Variants in LRRFIP1 observed in about 807,000 individuals in gnomAD.
LRRFIP1 encodes leucine-rich repeat flightless-interacting protein 1.
In LRRFIP1, 62 loss-of-function variants were observed where a neutral mutation model predicts 104.4. That is an observed-to-expected ratio of 0.59 (90% confidence interval 0.48 to 0.73). The LOEUF (loss-of-function observed/expected upper bound fraction) is 0.73. LRRFIP1 is among the 30% of genes least tolerant of loss of function. The pLI, the probability that LRRFIP1 is intolerant of heterozygous loss-of-function variation, is 0.00. For missense variants in LRRFIP1, 796 were observed against 824.5 expected (o/e 0.97, Z 0.42); for synonymous variants, 300 against 299.0 (o/e 1.00, Z -0.03).
intron 11 of LRRFIP1, among the ~76,000 whole-genome samples, chr2:237,740,481 A>G (rs924474860): frequency 1.3e-5 from 2 of 152,182 alleles, no homozygotes; most frequent in Non-Finnish European, 2.9e-5. Flanking sequence ...CTCTTAAGTT[A>G]GTTACTGAAC....
chr2:237,692,264 G>A lies in LRRFIP1; in HGVS notation c.97-16280G>A, dbSNP rs1025136504. ...CACCTGCGCCCCGCCCCTGTCGGCC[G>A]CGCCCGAGCCCAGCGCCGCGAGCCG... On this transcript the variant is annotated intron_variant, in intron 1 of 23. Transcript: ENST00000308482. The A allele has an allele frequency of 2.1e-5, 24 of 1,154,338 alleles. No homozygotes were observed. In the African/African-American group the frequency reaches 3.6e-4, roughly 17 times the overall value. 71.5% of individuals were successfully genotyped at this position (1,154,338 alleles called of 1,614,324 possible).
intron 1 of LRRFIP1, among the ~76,000 whole-genome samples, chr2:237,655,685 CT>C (rs2086700283): frequency 6.6e-6 from 1 of 152,206 alleles, no homozygotes; most frequent in Non-Finnish European, 1.5e-5. Flanking sequence ...TATAGGACAT[CT>C]TTTTAACTCC....
intron 1 of LRRFIP1, among the ~76,000 whole-genome samples, chr2:237,659,033 T>C (rs12991845): frequency 0.13 from 20,447 of 152,162 alleles, 1,879 homozygotes; most frequent in Non-Finnish European, 0.21. Context: ...ATGATGAACT[T>C]TTCTATACAG....
At chr2:237,723,643 T>C in intron 7 of LRRFIP1, 57 bp downstream of exon 7, 4 of 1,593,218 alleles carry the variant, frequency 2.5e-6, no homozygotes, top group Non-Finnish European at 3.4e-6. Context: ...GTGACCATAA[T>C]AACCTGTGGT....
At chr2:237,714,402 T>G in intron 3 of LRRFIP1, 126 bp downstream of exon 3, 1 of 703,580 alleles carries the variant, frequency 1.4e-6, no homozygotes, top group African/African-American at 1.8e-5. Flanking sequence ...TTTATTTTAC[T>G]ACTTTGTGTA....
rs947140532 is a variant in LRRFIP1 at position 237,751,734 on chromosome 2, A to T, written c.867+463A>T. Among the ~76,000 whole-genome samples, 101 of 152,188 alleles carry T rather than the reference A, an allele frequency of 6.6e-4. 3 individuals carry two copies. Among genetic ancestry groups the T allele is most frequent in the Non-Finnish European group, 1.6e-4 (11 of 68,030 alleles). On this transcript the variant is annotated intron_variant, in intron 14 of 23. Coordinates refer to ENST00000308482, the MANE Select transcript of LRRFIP1 (RefSeq NM_001137550.2). ...CTTTTGAAACATCCCAATTATTTGC[A>T]CCCTGTAAAATGCTACTAATTGAAG...
chr2:237,733,158 C>G (rs1456953191), intron 8 of LRRFIP1, among the ~76,000 whole-genome samples: 10 of 152,174 alleles, frequency 6.6e-5, no homozygotes, highest in Non-Finnish European at 1.3e-4. Flanking sequence ...TGGGAGCTGC[C>G]CTTGTGTCCC....
At chr2:237,672,876 A>G (rs1433469745) in intron 1 of LRRFIP1, among the ~76,000 whole-genome samples, 1 of 152,224 alleles carries the variant, frequency 6.6e-6, no homozygotes, top group Non-Finnish European at 1.5e-5. Context: ...CTGTGTTTCC[A>G]GGTATTGCTA....
Position 237,649,159 on chromosome 2 carries a change from C to T in LRRFIP1, c.96+21419C>T, listed in dbSNP as rs181987587. Among the ~76,000 whole-genome samples the T allele has an allele frequency of 3.9e-5, 6 of 152,010 alleles. No individual in the cohort carries two copies. In the East Asian group the frequency reaches 7.7e-4, roughly 20 times the overall value. On this transcript the variant is annotated intron_variant, in intron 1 of 23. Coordinates refer to ENST00000308482, the MANE Select transcript of LRRFIP1 (RefSeq NM_001137550.2). This position sits in a 1 kb window ranked among gnomAD's most constrained non-coding sequence, Gnocchi z 4.1. The stretch of plus-strand genomic sequence containing the variant: ...TCGCATGGTCCCAGCCTCAGAGCCC[C>T]GTTCTCTGTGACCTGGCTGGGTCAA...
At chr2:237,688,965 G>A (rs1001732728) in intron 1 of LRRFIP1, among the ~76,000 whole-genome samples, 1 of 147,910 alleles carries the variant, frequency 6.8e-6, no homozygotes, top group Non-Finnish European at 1.5e-5. Context: ...CCCACACCCT[G>A]ACTTCTGACC....
intron 11 of LRRFIP1, among the ~76,000 whole-genome samples, chr2:237,747,097 C>T (rs1404661433): frequency 6.6e-6 from 1 of 152,176 alleles, no homozygotes; most frequent in Non-Finnish European, 1.5e-5. Context: ...GGAGCCAGGC[C>T]GCAGGGTTTA....
chr2:237,665,810 G>A (rs1046420423), intron 1 of LRRFIP1, among the ~76,000 whole-genome samples: 4 of 152,224 alleles, frequency 2.6e-5, no homozygotes, highest in African/African-American at 9.7e-5. Flanking sequence ...AGACCCTCAA[G>A]CTGCAGTCAA....
At chr2:237,776,852 T>C (rs566396209) in intron 23 of LRRFIP1, among the ~76,000 whole-genome samples, 34 of 152,342 alleles carry the variant, frequency 2.2e-4, no homozygotes, top group Non-Finnish European at 4.9e-4. Flanking sequence ...GAATCTGGAA[T>C]CTGTGGATCT....
Position 237,691,915 on chromosome 2 carries a change from G to T in LRRFIP1, c.97-16629G>T, listed in dbSNP as rs2092794089. The stretch of plus-strand genomic sequence containing the variant: ...TTCCGAGACGGAGCGCGGGGGGCGG[G>T]GCGGGGCTCGCGTTAAGGGAGCGCG... On this transcript the variant is annotated intron_variant, in intron 1 of 23. Transcript: ENST00000308482. This position sits in a 1 kb window ranked among gnomAD's most constrained non-coding sequence, Gnocchi z 5.4. Among the ~76,000 whole-genome samples the T allele has an allele frequency of 6.6e-6, 1 of 151,190 alleles. No homozygotes were observed. Among genetic ancestry groups the T allele is most frequent in the Non-Finnish European group, 1.5e-5 (1 of 67,650 alleles).
chr2:237,733,962 G>A, intron 9 of LRRFIP1, 144 bp downstream of exon 9: 4 of 819,842 alleles, frequency 4.9e-6, no homozygotes, highest in Non-Finnish European at 8.0e-6. Context: ...TGTGCCAGTG[G>A]GGAATGTCTG....
At chr2:237,645,707 T>C (rs2084796354) in intron 1 of LRRFIP1, among the ~76,000 whole-genome samples, 1 of 152,040 alleles carries the variant, frequency 6.6e-6, no homozygotes, top group African/African-American at 2.4e-5. Flanking sequence ...TAACTCAATG[T>C]CACTCTTCAT....
chr2:237,637,969 CCT>C (rs1370922970), intron 1 of LRRFIP1, among the ~76,000 whole-genome samples: 1 of 152,120 alleles, frequency 6.6e-6, no homozygotes, highest in Admixed American at 6.6e-5. Flanking sequence ...ATGGCTCTAC[CCT>C]GTCTTCCCTA....
chr2:237,765,917 C>T (rs768260909), intron 19 of LRRFIP1: 52 of 984,762 alleles, frequency 5.3e-5, no homozygotes, highest in Non-Finnish European at 6.0e-5. Context: ...ATTGTGCAAG[C>T]CTGTGGTTCC....
rs1402794088 is a variant in LRRFIP1, at chr2:237,735,731, A to G, written c.555+398A>G. The G allele has an allele frequency of 1.1e-5, 2 of 174,182 alleles. No individual in the cohort carries two copies. Among genetic ancestry groups the G allele is most frequent in the African/African-American group, 4.8e-5 (2 of 42,084 alleles). 10.8% of individuals were successfully genotyped at this position (174,182 alleles called of 1,614,324 possible). A position where few individuals can be genotyped will look rare whatever the true frequency, so the allele number is the denominator to read the frequency against. On this transcript the variant is annotated intron_variant, in intron 10 of 23. Transcript: ENST00000308482. The surrounding 1 kb of genome is among the most constrained non-coding windows in gnomAD (Gnocchi z 4.6). Reference sequence around the variant, plus strand: ...TTTTAAAACTTGGAATGTTACGCATATTTCATTCCCTGTTTGTATTTTGTT... The same window carrying G: ...TTTTAAAACTTGGAATGTTACGCATGTTTCATTCCCTGTTTGTATTTTGTT...
Sources: gnomAD v4.1 joint callset for allele counts (sites outside exome capture counted in the v4.1 genomes callset) on GRCh38, gnomAD v4.1.1 for gene constraint, Gnocchi (gnomAD v3.1) non-coding constraint, MANE v1.5 for transcripts, NCBI Gene and HGNC (gene_info 2026-07-23, HGNC 2026-07-21) for gene names.